ATRNL1: variants seen among roughly 807,000 people sequenced by gnomAD.
ATRNL1 encodes attractin like 1.
Under a neutral mutation model 182.7 loss-of-function variants are expected in ATRNL1, and 95 were observed. That is an observed-to-expected ratio of 0.52 (90% CI 0.44 to 0.62). ATRNL1 has a LOEUF of 0.62. Among genes scored for constraint, ATRNL1 ranks in the 20% least tolerant of loss-of-function variants. ATRNL1 has a pLI of 0.00. For missense variants in ATRNL1, 1,471 were observed against 1,679.5 expected (o/e 0.88, Z 2.17); for synonymous variants, 576 against 568.3 (o/e 1.01, Z -0.19).
intron 19 of ATRNL1, among the ~76,000 whole-genome samples, chr10:115,362,205 C>G (rs650060): frequency 0.29 from 43,957 of 151,792 alleles, 7,295 homozygotes; most frequent in East Asian, 0.69. Flanking sequence ...ATCAGCATTT[C>G]ATATTTATTT....
intron 8 of ATRNL1, among the ~76,000 whole-genome samples, chr10:115,183,425 T>C (rs1847822164): frequency 6.6e-6 from 1 of 151,350 alleles, no homozygotes; most frequent in Non-Finnish European, 1.5e-5. Context: ...AACAGATTAA[T>C]TTTTTTGAAA....
chr10:115,223,848 T>A (rs1377891166), intron 9 of ATRNL1, among the ~76,000 whole-genome samples: 2 of 148,170 alleles, frequency 1.3e-5, no homozygotes, highest in Non-Finnish European at 3.0e-5. Flanking sequence ...AATATATATG[T>A]GTATATATAT....
At chr10:115,502,474 T>C (rs914553795) in intron 24 of ATRNL1, among the ~76,000 whole-genome samples, 1 of 152,118 alleles carries the variant, frequency 6.6e-6, no homozygotes, top group Admixed American at 6.6e-5. Flanking sequence ...AAAACCCTTA[T>C]TTTTTGAGAG....
At chr10:115,317,491 C>T (rs1249523195) in intron 18 of ATRNL1, among the ~76,000 whole-genome samples, 1 of 152,102 alleles carries the variant, frequency 6.6e-6, no homozygotes, top group African/African-American at 2.4e-5. Context: ...GCAGTGTGGC[C>T]ATTTTTACGA....
At chr10:115,602,817 G>T (rs11197335) in intron 26 of ATRNL1, among the ~76,000 whole-genome samples, 73,184 of 149,172 alleles carry the variant, frequency 0.49, 18,901 homozygotes, top group African/African-American at 0.6. Flanking sequence ...TCGCGCCACT[G>T]CACTCCAGAC....
chr10:115,204,764 G>T (rs2144335792), intron 8 of ATRNL1, among the ~76,000 whole-genome samples: 1 of 152,116 alleles, frequency 6.6e-6, no homozygotes. Flanking sequence ...GTCTGGCTTT[G>T]GTATTAGGGT....
At chr10:115,468,551 A>T (rs1554971365) in intron 23 of ATRNL1, among the ~76,000 whole-genome samples, 1 of 144,412 alleles carries the variant, frequency 6.9e-6, no homozygotes, top group African/African-American at 2.5e-5. Context: ...GTTCTATTTT[A>T]TTAACTTCAG....
intron 26 of ATRNL1, among the ~76,000 whole-genome samples, chr10:115,690,687 G>C (rs1290587220): frequency 6.6e-6 from 1 of 152,170 alleles, no homozygotes; most frequent in East Asian, 1.9e-4. Context: ...GAGATATGGG[G>C]GCTATGATTC....
intron 8 of ATRNL1, among the ~76,000 whole-genome samples, chr10:115,186,880 T>C (rs1487679119): frequency 6.6e-6 from 1 of 152,148 alleles, no homozygotes; most frequent in Non-Finnish European, 1.5e-5. Flanking sequence ...GATGTGATTA[T>C]TATGCATTGT....
At chr10:115,097,213 G>A (rs1161138956) in intron 1 of ATRNL1, among the ~76,000 whole-genome samples, 1 of 152,262 alleles carries the variant, frequency 6.6e-6, no homozygotes, top group Non-Finnish European at 1.5e-5. Context: ...GCTGGGTGCC[G>A]TGGCTCAGGC....
intron 9 of ATRNL1, among the ~76,000 whole-genome samples, chr10:115,223,905 G>GTATA (rs1849573940): frequency 1.6e-5 from 1 of 64,002 alleles, no homozygotes; most frequent in South Asian, 4.5e-4. Flanking sequence ...GTGTGTGTGT[G>GTATA]TGTGTGTGTA....
At chr10:115,863,646 A>G (rs1412422714) in intron 28 of ATRNL1, among the ~76,000 whole-genome samples, 1 of 152,190 alleles carries the variant, frequency 6.6e-6, no homozygotes, top group Non-Finnish European at 1.5e-5. Context: ...ATATAGATGT[A>G]TGCACGTGTG....
chr10:115,205,588 A>G (rs782707800), intron 8 of ATRNL1, among the ~76,000 whole-genome samples: 12 of 151,718 alleles, frequency 7.9e-5, no homozygotes, highest in Non-Finnish European at 1.5e-4. Context: ...ATTTTTTAGT[A>G]TTCCATTTTA....
chr10:115,095,375 T>A (rs114664893), intron 1 of ATRNL1, among the ~76,000 whole-genome samples: 2,530 of 124,856 alleles, frequency 0.02, 35 homozygotes, highest in Middle Eastern at 0.039. Flanking sequence ...TTTTTTTTTT[T>A]AAAAAAAAAC....
At chr10:115,522,191 A>C (rs1850973491) in intron 25 of ATRNL1, among the ~76,000 whole-genome samples, 1 of 152,176 alleles carries the variant, frequency 6.6e-6, no homozygotes, top group South Asian at 2.1e-4. Context: ...GCTGAAAAGG[A>C]ATACCTAAGG....
At chr10:115,229,629 A>G (rs1301359173) in intron 9 of ATRNL1, among the ~76,000 whole-genome samples, 2 of 152,144 alleles carry the variant, frequency 1.3e-5, no homozygotes, top group African/African-American at 2.4e-5. Flanking sequence ...GTAAGATATC[A>G]GAGATTTATT....
At chr10:115,521,089 T>C (rs1181914706) in intron 25 of ATRNL1, among the ~76,000 whole-genome samples, 1 of 152,186 alleles carries the variant, frequency 6.6e-6, no homozygotes, top group Admixed American at 6.5e-5. Context: ...TTTTAGAAAG[T>C]ACTAGAAATT....
chr10:115,543,317 T>C lies in ATRNL1; in HGVS notation c.3717-6141T>C, dbSNP rs782544970. Among the ~76,000 whole-genome samples, 16 of 152,346 alleles carry C rather than the reference T, an allele frequency of 1.1e-4. 1 individual carries two copies. The highest frequency in any genetic ancestry group is 6.8e-3 in the Middle Eastern group (2 of 294). On this transcript the variant is annotated intron_variant, in intron 25 of 28. Transcript: ENST00000355044. ...ACTTGAACATATAAGCAATTTTTTC[T>C]TTTTAATATTCATATTTTTATTGCA...
At chr10:115,186,865 T>A (rs1251816835) in intron 8 of ATRNL1, among the ~76,000 whole-genome samples, 1 of 152,174 alleles carries the variant, frequency 6.6e-6, no homozygotes, top group East Asian at 1.9e-4. Flanking sequence ...AATGAATAGA[T>A]GTTTGATGTG....
Sources: gnomAD v4.1 joint callset for allele counts (sites outside exome capture counted in the v4.1 genomes callset) on GRCh38, gnomAD v4.1.1 for gene constraint, MANE v1.5 for transcripts, NCBI Gene and HGNC (gene_info 2026-07-23, HGNC 2026-07-21) for gene names.